The following NCAM2 variants were observed in gnomAD, a reference collection of about 807,000 sequenced individuals.
NCAM2 encodes the protein N-CAM-2.
NCAM2 carries 30 observed loss-of-function variants against 98.1 expected under a neutral mutation model. The ratio of observed to expected loss-of-function variants is 0.31; its 90% CI spans 0.23 to 0.41. The LOEUF (loss-of-function observed/expected upper bound fraction) is 0.41, where lower values mean the gene tolerates loss of function less well. Among genes scored for constraint, NCAM2 ranks in the 10% least tolerant of loss-of-function variants. The pLI is 1.00. For synonymous variants in NCAM2, 368 were observed against 342.4 expected (o/e 1.07, Z -0.83); for missense variants, 867 against 1,005.8 (o/e 0.86, Z 1.87).
At chr21:21,375,122 C>A (rs2076002989) in intron 9 of NCAM2, among the ~76,000 whole-genome samples, 2 of 150,676 alleles carry the variant, frequency 1.3e-5, no homozygotes, top group Admixed American at 6.7e-5. Context: ...ATGTAACTAA[C>A]CTGCACATTG....
chr21:21,046,558 C>T (rs2065010486), intron 1 of NCAM2, among the ~76,000 whole-genome samples: 1 of 152,178 alleles, frequency 6.6e-6, no homozygotes, highest in Admixed American at 6.5e-5. Context: ...CCAACCAACA[C>T]TTACTGTCAT....
At chr21:21,488,445 A>G (rs904374705) in intron 15 of NCAM2, among the ~76,000 whole-genome samples, 2 of 152,002 alleles carry the variant, frequency 1.3e-5, no homozygotes, top group African/African-American at 4.8e-5. Context: ...GAATTAAACC[A>G]TGAACTTTTG....
chr21:21,429,792 T>A (rs1032332536), intron 11 of NCAM2, among the ~76,000 whole-genome samples: 1 of 152,148 alleles, frequency 6.6e-6, no homozygotes, highest in Non-Finnish European at 1.5e-5. Flanking sequence ...AACCTTAGAG[T>A]TGTAACATCA....
chr21:21,149,724 T>A (rs745597684), intron 1 of NCAM2, among the ~76,000 whole-genome samples: 8 of 152,168 alleles, frequency 5.3e-5, no homozygotes, highest in Non-Finnish European at 1.0e-4. Flanking sequence ...TTCATCCATG[T>A]CCTTACAAAG....
At chr21:21,207,632 A>G (rs2069493981) in intron 1 of NCAM2, among the ~76,000 whole-genome samples, 1 of 152,140 alleles carries the variant, frequency 6.6e-6, no homozygotes, top group South Asian at 2.1e-4. Context: ...TGCAAGTGCA[A>G]ACTTGAGCTA....
chr21:21,231,251 G>A (rs1271360225), intron 1 of NCAM2, among the ~76,000 whole-genome samples: 2 of 151,156 alleles, frequency 1.3e-5, no homozygotes, highest in African/African-American at 4.8e-5. Flanking sequence ...AGAGAGATGT[G>A]CTTGGAACAT....
At chr21:21,047,077 C>T (rs1366138848) in intron 1 of NCAM2, among the ~76,000 whole-genome samples, 1 of 310 alleles carries the variant, frequency 3.2e-3, no homozygotes, top group African/African-American at 0.012. Flanking sequence ...TGTGTGACAT[C>T]ACTTGTGTTG....
chr21:21,072,288 T>C (rs1568992009), intron 1 of NCAM2, among the ~76,000 whole-genome samples: 1 of 152,168 alleles, frequency 6.6e-6, no homozygotes, highest in South Asian at 2.1e-4. Flanking sequence ...ACATAACCCA[T>C]GTTGGCTTCT....
chr21:21,502,211 T>G (rs1009801947), intron 15 of NCAM2, among the ~76,000 whole-genome samples: 10 of 152,050 alleles, frequency 6.6e-5, no homozygotes, highest in African/African-American at 2.4e-4. Flanking sequence ...TTGGGGTATG[T>G]TTTACAATGG....
At chr21:21,414,495 G>A (rs1201054015) in intron 10 of NCAM2, among the ~76,000 whole-genome samples, 1 of 148,716 alleles carries the variant, frequency 6.7e-6, no homozygotes, top group East Asian at 1.9e-4. Flanking sequence ...TTTTGAGAGG[G>A]AGTCTCGCTC....
intron 9 of NCAM2, among the ~76,000 whole-genome samples, chr21:21,402,851 C>T (rs767475643): frequency 6.6e-6 from 1 of 152,150 alleles, no homozygotes; most frequent in East Asian, 1.9e-4. Flanking sequence ...TAGGTAGTTC[C>T]GTTTTTAATT....
chr21:21,496,880 C>G (rs1987278721), intron 15 of NCAM2, among the ~76,000 whole-genome samples: 1 of 151,994 alleles, frequency 6.6e-6, no homozygotes, highest in South Asian at 2.1e-4. Context: ...GTTATTTCCC[C>G]CTTACCTTGT....
intron 1 of NCAM2, among the ~76,000 whole-genome samples, chr21:21,026,905 G>A (rs1281508043): frequency 2.2e-5 from 3 of 135,300 alleles, no homozygotes; most frequent in Admixed American, 1.6e-4. Context: ...TGCCCAGACT[G>A]GAGTGCAGTG....
chr21:21,262,091 A>G (rs1361606809), intron 1 of NCAM2, among the ~76,000 whole-genome samples: 1 of 152,172 alleles, frequency 6.6e-6, no homozygotes, highest in African/African-American at 2.4e-5. Flanking sequence ...CTATGCATAC[A>G]AACTAGGAAC....
intron 8 of NCAM2, among the ~76,000 whole-genome samples, chr21:21,344,937 A>G (rs2075146940): frequency 6.6e-6 from 1 of 152,146 alleles, no homozygotes; most frequent in Admixed American, 6.5e-5. Context: ...AAATAGAGTG[A>G]GACTGTGTTT....
At chr21:21,461,687 T>C (rs547059022) in intron 12 of NCAM2, among the ~76,000 whole-genome samples, 2 of 151,492 alleles carry the variant, frequency 1.3e-5, no homozygotes, top group Non-Finnish European at 2.9e-5. Flanking sequence ...GTATGATTCA[T>C]AAAATATTTA....
At chr21:21,198,951 G>C (rs1184257203) in intron 1 of NCAM2, among the ~76,000 whole-genome samples, 1 of 152,074 alleles carries the variant, frequency 6.6e-6, no homozygotes, top group Non-Finnish European at 1.5e-5. Context: ...TTCAGGCTCA[G>C]TTAAGAGCTC....
chr21:21,393,045 T>A (rs1266178539), intron 9 of NCAM2, among the ~76,000 whole-genome samples: 1 of 152,106 alleles, frequency 6.6e-6, no homozygotes, highest in Non-Finnish European at 1.5e-5. Context: ...AATGATATTA[T>A]CTAGGTTGCC....
intron 1 of NCAM2, among the ~76,000 whole-genome samples, chr21:21,131,349 C>T (rs2066930884): frequency 6.6e-6 from 1 of 152,068 alleles, no homozygotes; most frequent in African/African-American, 2.4e-5. Context: ...TCTCAGCTCA[C>T]TGCAACCTCC....
Sources: allele counts gnomAD v4.1 joint callset (sites outside exome capture counted in the v4.1 genomes callset), GRCh38; gene constraint gnomAD v4.1.1; transcripts MANE v1.5; gene names NCBI Gene and HGNC (gene_info 2026-07-23, HGNC 2026-07-21).